Variants in NUBPL observed in about 807,000 individuals in gnomAD.
NUBPL encodes iron-sulfur cluster transfer protein NUBPL.
NUBPL carries 31 observed loss-of-function variants against 45.7 expected under a neutral mutation model. The observed-to-expected ratio is 0.68, with a 90% CI of 0.51 to 0.92. NUBPL has a LOEUF of 0.92. NUBPL is among the 40% of genes least tolerant of loss of function. The probability of loss-of-function intolerance (pLI) is 0.00; values close to 1 mark genes in which losing one functional copy is unlikely to be tolerated. For missense variants in NUBPL, 401 were observed against 398.7 expected, an observed-to-expected ratio of 1.01 and a Z score of -0.05; for synonymous variants, 144 against 140.9, an observed-to-expected ratio of 1.02 and a Z score of -0.15.
chr14:31,758,370 G>A lies in NUBPL; in HGVS notation c.514-29410G>A, dbSNP rs189551009. ...AGCAAAAGTATTTGAAATTCAGTTGGCATTTTCATTATTAATGTTTTCAAA... is the reference window on the plus strand; with the variant it reads ...AGCAAAAGTATTTGAAATTCAGTTGACATTTTCATTATTAATGTTTTCAAA... On this transcript the variant is annotated intron_variant, in intron 6 of 10. Transcript: ENST00000281081. 3.7e-3 allele frequency among the ~76,000 whole-genome samples: 562 copies of A among 152,172 alleles called. 6 individuals are homozygous for A. The highest frequency in any genetic ancestry group is 6.8e-3 in the Middle Eastern group (2 of 294).
chr14:31,760,144 T>TGTGTGTGTGTGAGAGAGA, intron 6 of NUBPL, among the ~76,000 whole-genome samples: 22 of 34,840 alleles, frequency 6.3e-4, no homozygotes, highest in East Asian at 3.6e-3. Context: ...TGTGTGTGTG[T>TGTGTGTGTGTGAGAGAGA]GAGAGAGAGA....
chr14:31,748,857 C>T (rs1441991002), intron 6 of NUBPL, among the ~76,000 whole-genome samples: 1 of 152,120 alleles, frequency 6.6e-6, no homozygotes, highest in Non-Finnish European at 1.5e-5. Flanking sequence ...AGGTGATCTA[C>T]CCACCTGGGC....
At chr14:31,800,952 G>A (rs1002171922) in intron 7 of NUBPL, 1 of 152,208 alleles carries the variant, frequency 6.6e-6, no homozygotes, top group African/African-American at 2.4e-5. Context: ...GAAGCAACTA[G>A]TTACAAAGGA....
At chr14:31,671,128 T>A (rs2036560556) in intron 4 of NUBPL, among the ~76,000 whole-genome samples, 1 of 152,230 alleles carries the variant, frequency 6.6e-6, no homozygotes, top group Non-Finnish European at 1.5e-5. Flanking sequence ...TCCATTTATT[T>A]GTCTCATCTC....
At chr14:31,718,822 T>C (rs915052449) in intron 6 of NUBPL, among the ~76,000 whole-genome samples, 2 of 152,208 alleles carry the variant, frequency 1.3e-5, no homozygotes, top group Non-Finnish European at 2.9e-5. Context: ...GCTGAGCTGC[T>C]TCTTCAGCAC....
chr14:31,776,928 C>T (rs1056124021), intron 6 of NUBPL, among the ~76,000 whole-genome samples: 1 of 152,154 alleles, frequency 6.6e-6, no homozygotes, highest in Non-Finnish European at 1.5e-5. Flanking sequence ...GAGTTAGCAA[C>T]CTGAACATTG....
chr14:31,576,243 A>G (rs1246767207), intron 3 of NUBPL, among the ~76,000 whole-genome samples: 1 of 152,162 alleles, frequency 6.6e-6, no homozygotes, highest in Admixed American at 6.5e-5. Context: ...CAAAATGGAA[A>G]GAGCCCTGTC....
chr14:31,826,660 C>T lies in NUBPL; in HGVS notation c.639C>T (p.Ile213=), dbSNP rs35330765. The change falls in exon 8 of 11, where the codon ATC becomes ATT. Residue 213 remains isoleucine, a synonymous_variant. Coordinates refer to ENST00000281081, the MANE Select transcript of NUBPL (RefSeq NM_025152.3). ...TGATTGTCTCCACGCCCCAGGACAT[C>T]GCATTGATGGATGCACACAAGGGTG... ...GAVIVSTPQD[I]ALMDAHKGAE... 546 of 1,614,112 alleles carry T rather than the reference C, an allele frequency of 3.4e-4. 1 individual carries two copies. In the African/African-American group the frequency reaches 6.2e-3, roughly 18 times the overall value.
At chr14:31,857,405 G>A (rs572571100) in intron 10 of NUBPL, among the ~76,000 whole-genome samples, 3 of 152,278 alleles carry the variant, frequency 2.0e-5, no homozygotes, top group South Asian at 2.1e-4. Flanking sequence ...CCCTGGAGAC[G>A]TTTTCCCCAT....
intron 6 of NUBPL, among the ~76,000 whole-genome samples, chr14:31,770,264 C>A (rs1450095312): frequency 1.3e-5 from 2 of 152,156 alleles, no homozygotes; most frequent in Non-Finnish European, 2.9e-5. Flanking sequence ...TCATATCAGC[C>A]TTCCCCAAAA....
chr14:31,835,114 A>T (rs1022309434), intron 8 of NUBPL, among the ~76,000 whole-genome samples: 3 of 152,180 alleles, frequency 2.0e-5, no homozygotes, highest in Admixed American at 2.0e-4. Flanking sequence ...CATGTGGGCG[A>T]TAAGGGGAAG....
At chr14:31,750,243 C>T (rs969288369) in intron 6 of NUBPL, among the ~76,000 whole-genome samples, 8 of 150,410 alleles carry the variant, frequency 5.3e-5, no homozygotes, top group South Asian at 4.2e-4. Context: ...GGCGCAGCCT[C>T]GGCTCACTGC....
chr14:31,792,102 T>C (rs987119454), intron 7 of NUBPL, among the ~76,000 whole-genome samples: 1 of 152,202 alleles, frequency 6.6e-6, no homozygotes, highest in Non-Finnish European at 1.5e-5. Flanking sequence ...TTAAAGCTTA[T>C]GCTGTTGACC....
intron 4 of NUBPL, among the ~76,000 whole-genome samples, chr14:31,653,105 C>T (rs537630764): frequency 2.0e-5 from 3 of 152,256 alleles, no homozygotes; most frequent in Non-Finnish European, 2.9e-5. Context: ...GAACAAAGAT[C>T]ACATGCTTCT....
chr14:31,731,691 C>T (rs1371492255), intron 6 of NUBPL, among the ~76,000 whole-genome samples: 2 of 152,196 alleles, frequency 1.3e-5, no homozygotes, highest in Non-Finnish European at 2.9e-5. Context: ...GAAATGCCCC[C>T]TGTATTCTGA....
intron 8 of NUBPL, among the ~76,000 whole-genome samples, chr14:31,828,556 G>GA (rs1187520443): frequency 6.6e-6 from 1 of 152,076 alleles, no homozygotes; most frequent in African/African-American, 2.4e-5. Flanking sequence ...ATTCCTTGAG[G>GA]AAAAAGTTTT....
chr14:31,683,572 C>T (rs376635957), intron 6 of NUBPL, among the ~76,000 whole-genome samples: 12 of 151,984 alleles, frequency 7.9e-5, no homozygotes, highest in Middle Eastern at 3.4e-3. Context: ...AGGATGGTCT[C>T]GATCTCCTGA....
Position 31,706,825 on chromosome 14 carries a change from C to T in NUBPL, c.513+33251C>T, listed in dbSNP as rs573290844. Among the ~76,000 whole-genome samples the T allele has an allele frequency of 1.2e-4, 18 of 152,252 alleles. No individual in the cohort carries two copies. In the East Asian group the frequency reaches 2.1e-3, roughly 18 times the overall value. ...TGTTACACTGTTAATTTTTAGTAAA[C>T]CTTACTTTAGTTGAAAACCTTGTAA... On this transcript the variant is annotated intron_variant, in intron 6 of 10. Transcript: ENST00000281081.
At chr14:31,737,588 C>T (rs1435047260) in intron 6 of NUBPL, among the ~76,000 whole-genome samples, 2 of 152,100 alleles carry the variant, frequency 1.3e-5, no homozygotes, top group East Asian at 3.9e-4. Context: ...CTTGAGACCA[C>T]CCTGGCCAAC....
Sources: allele counts gnomAD v4.1 joint callset (sites outside exome capture counted in the v4.1 genomes callset), GRCh38; gene constraint gnomAD v4.1.1; transcripts MANE v1.5; gene names NCBI Gene and HGNC (gene_info 2026-07-23, HGNC 2026-07-21).